Variants in ASIC2 observed in about 807,000 individuals in gnomAD.
The protein encoded by ASIC2 is acid sensing ion channel subunit 2, also known as acid-sensing ion channel 2.
ASIC2 carries 25 observed loss-of-function variants against 57.3 expected under a neutral mutation model. The observed-to-expected ratio is 0.44, with a 90% CI of 0.32 to 0.61. The LOEUF is 0.61. ASIC2 is among the 20% of genes least tolerant of loss of function. ASIC2 has a pLI of 0.06. For missense variants in ASIC2, 641 were observed against 738.1 expected (o/e 0.87, Z 1.52); for synonymous variants, 319 against 307.5 (o/e 1.04, Z -0.39).
intron 1 of ASIC2, among the ~76,000 whole-genome samples, chr17:33,602,115 T>TAAG (rs35321314): frequency 0.12 from 18,207 of 152,218 alleles, 1,340 homozygotes; most frequent in Non-Finnish European, 0.16. Context: ...CTGATTTAGA[T>TAAG]AAGACTTTGG....
At chr17:34,015,065 T>C (rs913420585) in intron 1 of ASIC2, among the ~76,000 whole-genome samples, 1 of 148,018 alleles carries the variant, frequency 6.8e-6, no homozygotes, top group Non-Finnish European at 1.5e-5. Flanking sequence ...TTCTTTCTTC[T>C]GCCTTTTTTT....
intron 1 of ASIC2, among the ~76,000 whole-genome samples, chr17:33,126,953 T>G (rs7207055): frequency 5.6e-5 from 8 of 143,228 alleles, no homozygotes; most frequent in African/African-American, 2.1e-4. Flanking sequence ...CTGCAAGCTC[T>G]GCTTCCCGGG....
chr17:33,639,576 T>C (rs1186304323), intron 1 of ASIC2, among the ~76,000 whole-genome samples: 2 of 152,110 alleles, frequency 1.3e-5, no homozygotes, highest in Non-Finnish European at 2.9e-5. Context: ...AGCTGCCTCC[T>C]TGGGAGTGGG....
At chr17:33,772,979 G>A (rs1047595941) in intron 1 of ASIC2, among the ~76,000 whole-genome samples, 7 of 152,216 alleles carry the variant, frequency 4.6e-5, no homozygotes, top group African/African-American at 1.4e-4. Context: ...CTGGCACACA[G>A]CAAGTGCTTA....
At chr17:33,054,320 T>C (rs542252758) in intron 3 of ASIC2, among the ~76,000 whole-genome samples, 1 of 152,286 alleles carries the variant, frequency 6.6e-6, no homozygotes, top group South Asian at 2.1e-4. Context: ...TGACTAGACT[T>C]CTGGACTCTG....
chr17:33,510,568 T>G (rs1914400634), intron 1 of ASIC2, among the ~76,000 whole-genome samples: 1 of 151,964 alleles, frequency 6.6e-6, no homozygotes, highest in Non-Finnish European at 1.5e-5. Flanking sequence ...GGAGGTCGAG[T>G]CTGCAGTGAG....
chr17:33,393,637 G>C (rs1909977332), intron 1 of ASIC2, among the ~76,000 whole-genome samples: 1 of 152,126 alleles, frequency 6.6e-6, no homozygotes, highest in South Asian at 2.1e-4. Flanking sequence ...TATCTCATAG[G>C]GCTGTGGAGA....
chr17:33,597,714 A>G (rs552041109), intron 1 of ASIC2, among the ~76,000 whole-genome samples: 2 of 152,248 alleles, frequency 1.3e-5, no homozygotes, highest in African/African-American at 4.8e-5. Context: ...ACGTTTCCCA[A>G]CCCCTGAGTT....
chr17:33,732,596 C>A (rs1484708444), intron 1 of ASIC2, among the ~76,000 whole-genome samples: 1 of 150,656 alleles, frequency 6.6e-6, no homozygotes, highest in Non-Finnish European at 1.5e-5. Flanking sequence ...CCCCCGGATT[C>A]ATGCCATTCT....
At chr17:33,379,365 TG>T (rs1286554756) in intron 1 of ASIC2, among the ~76,000 whole-genome samples, 4 of 152,206 alleles carry the variant, frequency 2.6e-5, no homozygotes, top group Admixed American at 2.0e-4. Context: ...ACGCAATGAC[TG>T]GGGCACACTC....
At chr17:33,984,603 C>A (rs1007082268) in intron 1 of ASIC2, among the ~76,000 whole-genome samples, 2 of 152,240 alleles carry the variant, frequency 1.3e-5, no homozygotes, top group Admixed American at 1.3e-4. Flanking sequence ...GACACTTGTG[C>A]ATCCCCTTCA....
chr17:33,951,371 C>G (rs1904556997), intron 1 of ASIC2, among the ~76,000 whole-genome samples: 1 of 151,970 alleles, frequency 6.6e-6, no homozygotes, highest in Admixed American at 6.5e-5. Context: ...GATTTCAATC[C>G]AGGACTCTCC....
intron 1 of ASIC2, among the ~76,000 whole-genome samples, chr17:33,549,299 T>C (rs554788094): frequency 6.6e-6 from 1 of 152,280 alleles, no homozygotes; most frequent in South Asian, 2.1e-4. Context: ...AGGGTGCATC[T>C]TAACTCGTTT....
intron 1 of ASIC2, among the ~76,000 whole-genome samples, chr17:33,373,658 T>C (rs913308009): frequency 1.1e-4 from 16 of 144,944 alleles, no homozygotes; most frequent in Non-Finnish European, 9.0e-5. Flanking sequence ...AACATCACTA[T>C]TATAAAACCT....
Position 34,122,098 on chromosome 17 carries a change from T to C in ASIC2, c.555+33880A>G, listed in dbSNP as rs143894487. On this transcript the variant is annotated intron_variant, in intron 1 of 9. Coordinates refer to the ASIC2 transcript ENST00000359872. ...GTTGTTATCTTTTATTTATTTCATC[T>C]GTTATATTTATTTTACTTGTTGCCT... Among the ~76,000 whole-genome samples the C allele has an allele frequency of 1.2e-3, 190 of 152,366 alleles. 1 individual carries two copies. The highest frequency in any genetic ancestry group is 4.4e-3 in the African/African-American group (185 of 41,584).
chr17:33,595,838 A>G (rs1055348138), intron 1 of ASIC2, among the ~76,000 whole-genome samples: 1 of 152,224 alleles, frequency 6.6e-6, no homozygotes, highest in East Asian at 1.9e-4. Context: ...GAGAAACCCA[A>G]TGGGCCTTCC....
At chr17:33,622,281 A>G (rs1230601628) in intron 1 of ASIC2, among the ~76,000 whole-genome samples, 2 of 152,182 alleles carry the variant, frequency 1.3e-5, no homozygotes, top group Non-Finnish European at 2.9e-5. Flanking sequence ...GAATTCTTCA[A>G]GATGGAGAAG....
chr17:33,998,903 G>A (rs1906244910), intron 1 of ASIC2, among the ~76,000 whole-genome samples: 2 of 152,078 alleles, frequency 1.3e-5, no homozygotes, highest in African/African-American at 4.8e-5. Flanking sequence ...TGTTGTTCAA[G>A]TCTGTTGTTT....
intron 1 of ASIC2, among the ~76,000 whole-genome samples, chr17:33,336,834 C>G (rs892452768): frequency 6.6e-6 from 1 of 152,124 alleles, no homozygotes; most frequent in African/African-American, 2.4e-5. Context: ...GGCGGGGCTT[C>G]TGTTAACTGA....
Sources: gnomAD v4.1 joint callset for allele counts (sites outside exome capture counted in the v4.1 genomes callset) on GRCh38, gnomAD v4.1.1 for gene constraint, MANE v1.5 for transcripts, NCBI Gene and HGNC (gene_info 2026-07-23, HGNC 2026-07-21) for gene names.